The following KALRN variants were observed in gnomAD, a reference collection of about 807,000 sequenced individuals.
The protein encoded by KALRN is kalirin.
Under a neutral mutation model 353.7 loss-of-function variants are expected in KALRN, and 70 were observed. The observed-to-expected ratio is 0.20, with a 90% CI of 0.16 to 0.24. The LOEUF (loss-of-function observed/expected upper bound fraction) is 0.24. KALRN is among the 10% of genes least tolerant of loss of function. The pLI, the probability that KALRN is intolerant of heterozygous loss-of-function variation, is 1.00. For missense variants in KALRN, 2,791 were observed against 3,756.7 expected (o/e 0.74, Z 6.72); for synonymous variants, 1,391 against 1,434.8 (o/e 0.97, Z 0.69).
In KALRN at chr3:124,398,703, G is replaced by A. The variant is rs564624621; in HGVS notation, c.2178G>A (p.Ser726=). Reference sequence around the variant, plus strand: ...TCTCCCCACTCTGCCACAGGGACTCGGCTGTGTCCAACAACAAAACACCCC... The same window carrying A: ...TCTCCCCACTCTGCCACAGGGACTCAGCTGTGTCCAACAACAAAACACCCC... The part of the protein sequence containing the change: ...SLGEPSEARD[S]AVSNNKTPHS... The change falls in exon 13 of 60, where the codon TCG becomes TCA. Residue 726 remains serine (S), a synonymous_variant. Transcript: ENST00000682506. The A allele has an allele frequency of 3.0e-5, 48 of 1,614,006 alleles. No homozygotes were observed. In the East Asian group the frequency reaches 3.3e-4, roughly 11 times the overall value.
At chr3:124,639,105 T>G (rs1008599387) in intron 37 of KALRN, among the ~76,000 whole-genome samples, 10 of 152,242 alleles carry the variant, frequency 6.6e-5, no homozygotes, top group African/African-American at 2.4e-4. Flanking sequence ...CAAATTGTTT[T>G]CTTTGCTATC....
intron 33 of KALRN, among the ~76,000 whole-genome samples, chr3:124,508,398 T>C (rs939954594): frequency 1.3e-5 from 2 of 152,232 alleles, no homozygotes; most frequent in Admixed American, 6.5e-5. Context: ...CATCTCAATG[T>C]GGCTGTTTTT....
At chr3:124,489,928 G>T (rs961998009) in intron 29 of KALRN, among the ~76,000 whole-genome samples, 10 of 152,176 alleles carry the variant, frequency 6.6e-5, no homozygotes, top group Admixed American at 3.9e-4. Context: ...ACTGTTGAAG[G>T]CTTGTGCAAA....
chr3:124,472,192 G>A (rs1334055652), intron 25 of KALRN, among the ~76,000 whole-genome samples: 2 of 152,116 alleles, frequency 1.3e-5, no homozygotes, highest in African/African-American at 4.8e-5. Flanking sequence ...TTCTATCAAT[G>A]ATCAATTCTT....
chr3:124,320,929 G>C (rs9817288), intron 6 of KALRN, among the ~76,000 whole-genome samples: 143,247 of 152,274 alleles, frequency 0.94, 68,003 homozygotes, highest in East Asian at 1. Context: ...ATAGTAGGAA[G>C]CTTGTGTTGT....
chr3:124,304,731 T>TC (rs2077546351), intron 6 of KALRN, among the ~76,000 whole-genome samples: 1 of 152,156 alleles, frequency 6.6e-6, no homozygotes, highest in Admixed American at 6.5e-5. Flanking sequence ...TCTCTTCTTT[T>TC]CCCCTCCCAA....
rs1380303267 is a variant in KALRN at position 124,153,805 on chromosome 3, C to G, written c.74-74185C>G. On this transcript the variant is annotated intron_variant, in intron 1 of 59. Coordinates refer to ENST00000682506, the MANE Select transcript of KALRN (RefSeq NM_001388419.1). ...TTGTTTCCTGACTTTTTAATGATTGCCATTCTAACTGGTGTGAGATGTTAT... is the reference window on the plus strand; with the variant it reads ...TTGTTTCCTGACTTTTTAATGATTGGCATTCTAACTGGTGTGAGATGTTAT... Among the ~76,000 whole-genome samples, 7 of 151,960 alleles carry G rather than the reference C, an allele frequency of 4.6e-5. No homozygotes were observed. The East Asian group carries it at 1.4e-3, about 29-fold the overall frequency.
chr3:124,108,791 G>A (rs2062563857), intron 1 of KALRN, among the ~76,000 whole-genome samples: 1 of 152,106 alleles, frequency 6.6e-6, no homozygotes, highest in Non-Finnish European at 1.5e-5. Flanking sequence ...GGGGTGGTTT[G>A]TATCTGTAGC....
At chr3:124,159,676 CGTAATACCT>C (rs2069604184) in intron 1 of KALRN, among the ~76,000 whole-genome samples, 1 of 151,620 alleles carries the variant, frequency 6.6e-6, no homozygotes, top group Non-Finnish European at 1.5e-5. Context: ...TTCTCTGATG[CGTAATACCT>C]GAGGGTAGGA....
At chr3:124,353,895 G>A (rs764882285) in intron 10 of KALRN, among the ~76,000 whole-genome samples, 8 of 152,192 alleles carry the variant, frequency 5.3e-5, no homozygotes, top group African/African-American at 9.7e-5. Context: ...CACGTTTCCC[G>A]TTGGGGTGGA....
chr3:124,491,267 A>T, intron 30 of KALRN, 56 bp from the exon 31 acceptor site: 1 of 1,263,022 alleles, frequency 7.9e-7, no homozygotes, highest in South Asian at 1.5e-5. Context: ...CCCCAGCCCT[A>T]AGTTTCCCCA....
intron 32 of KALRN, among the ~76,000 whole-genome samples, chr3:124,495,997 A>ATATG: frequency 1.7e-5 from 1 of 60,600 alleles, no homozygotes; most frequent in African/African-American, 1.1e-4. Flanking sequence ...ATATATATAT[A>ATATG]TATATATATA....
chr3:124,611,003 A>G (rs2077890376), intron 34 of KALRN, among the ~76,000 whole-genome samples: 1 of 152,126 alleles, frequency 6.6e-6, no homozygotes, highest in African/African-American at 2.4e-5. Context: ...CAGCCTGGGC[A>G]ACAGAGTGAT....
chr3:124,109,219 G>C (rs2062605227), intron 1 of KALRN, among the ~76,000 whole-genome samples: 1 of 151,526 alleles, frequency 6.6e-6, no homozygotes, highest in South Asian at 2.1e-4. Flanking sequence ...CTTTCCATTT[G>C]AGATCTCAAC....
intron 28 of KALRN, among the ~76,000 whole-genome samples, chr3:124,486,125 C>T (rs2062544034): frequency 6.6e-6 from 1 of 152,120 alleles, no homozygotes; most frequent in Admixed American, 6.5e-5. Flanking sequence ...TGTAAATCTG[C>T]TGTGGCTTTA....
At chr3:124,289,236 C>G (rs764124706) in intron 5 of KALRN, among the ~76,000 whole-genome samples, 1 of 152,142 alleles carries the variant, frequency 6.6e-6, no homozygotes, top group East Asian at 1.9e-4. Context: ...AAAGGCCTCC[C>G]CTCTAAATGC....
intron 1 of KALRN, among the ~76,000 whole-genome samples, chr3:124,116,670 T>C (rs1435920846): frequency 6.6e-6 from 1 of 152,192 alleles, no homozygotes; most frequent in African/African-American, 2.4e-5. Context: ...ATCCTAAATA[T>C]ACTATGTTTT....
chr3:124,611,362 T>G (rs888235894), intron 34 of KALRN, among the ~76,000 whole-genome samples: 2 of 152,142 alleles, frequency 1.3e-5, no homozygotes, highest in African/African-American at 4.8e-5. Flanking sequence ...CTTGTTGGTG[T>G]GGGAAATATG....
intron 28 of KALRN, among the ~76,000 whole-genome samples, chr3:124,486,655 A>T (rs2062604409): frequency 6.6e-6 from 1 of 152,226 alleles, no homozygotes; most frequent in South Asian, 2.1e-4. Context: ...TTTCAAGGAT[A>T]CAAGTAATTC....
Sources: allele counts gnomAD v4.1 joint callset (sites outside exome capture counted in the v4.1 genomes callset), GRCh38; gene constraint gnomAD v4.1.1; transcripts MANE v1.5; gene names NCBI Gene and HGNC (gene_info 2026-07-23, HGNC 2026-07-21).